The following ZFP30 variants were observed in gnomAD, a reference collection of about 807,000 sequenced individuals.
ZFP30 encodes the protein zinc finger protein 30 homolog.
Under a neutral mutation model 12.3 loss-of-function variants are expected in ZFP30, and 16 were observed. That is an observed-to-expected ratio of 1.30 (90% CI 0.88 to 1.98). ZFP30 has a LOEUF of 1.98. Ranked by LOEUF, ZFP30 falls within the 30% of genes most tolerant of loss-of-function variation. The probability of loss-of-function intolerance (pLI) is 0.00; values close to 1 mark genes in which losing one functional copy is unlikely to be tolerated. For synonymous variants in ZFP30, 172 were observed against 201.0 expected (o/e 0.86, Z 1.22); for missense variants, 560 against 611.2 (o/e 0.92, Z 0.88).
chr19:37,639,714 A>G (rs576605462), intron 5 of ZFP30, among the ~76,000 whole-genome samples: 19 of 152,334 alleles, frequency 1.2e-4, no homozygotes, highest in African/African-American at 4.6e-4. Flanking sequence ...AAGCATAAAC[A>G]AATTAGGACA....
intron 2 of ZFP30, among the ~76,000 whole-genome samples, chr19:37,648,872 C>G (rs1488715012): frequency 6.6e-6 from 1 of 152,084 alleles, no homozygotes; most frequent in Non-Finnish European, 1.5e-5. Flanking sequence ...ATCTCAATTA[C>G]CAAGCAATCT....
chr19:37,644,907 A>T (rs2044510736), intron 3 of ZFP30, among the ~76,000 whole-genome samples, 171 bp from the exon 4 acceptor site: 1 of 151,806 alleles, frequency 6.6e-6, no homozygotes, highest in Admixed American at 6.6e-5. Context: ...ACATACCAAG[A>T]ACTTGTCTCA....
chr19:37,644,991 G>C (rs1393080340), intron 3 of ZFP30, among the ~76,000 whole-genome samples: 1 of 151,974 alleles, frequency 6.6e-6, no homozygotes, highest in Non-Finnish European at 1.5e-5. Context: ...AGATCACGAG[G>C]TCAGGAGATC....
Position 37,634,494 on chromosome 19 carries a change from A to G in ZFP30, c.*487T>C, listed in dbSNP as rs2044282635. On this transcript the variant is annotated 3_prime_UTR_variant, in exon 6 of 6. Coordinates refer to ENST00000684514, the MANE Select transcript of ZFP30 (RefSeq NM_001320669.3). ...CCATTATTTCATTATGTGTTACACA[A>G]TAGTTTTTCTAATATAATTTTCTAT... The G allele has an allele frequency of 6.5e-6, 1 of 153,038 alleles. No homozygotes were observed. The highest frequency in any genetic ancestry group is 2.1e-4 in the South Asian group (1 of 4,862). The allele number at this position is 153,038 out of a possible 1,614,324, so 9.5% of individuals were successfully genotyped here.
intron 5 of ZFP30, among the ~76,000 whole-genome samples, chr19:37,640,134 A>G (rs2044406385): frequency 6.6e-6 from 1 of 152,218 alleles, no homozygotes; most frequent in Non-Finnish European, 1.5e-5. Flanking sequence ...ATAGTAAAAG[A>G]CAGAAAACAT....
At chr19:37,655,334 G>C (rs1341917065) in intron 1 of ZFP30, 86 bp downstream of exon 1, 1 of 152,446 alleles carries the variant, frequency 6.6e-6, no homozygotes, top group Non-Finnish European at 1.5e-5. Flanking sequence ...CCTTGGCCCG[G>C]CCTGCAAAAC....
chr19:37,636,781 G>C (rs1057386121), intron 5 of ZFP30, among the ~76,000 whole-genome samples: 6 of 151,384 alleles, frequency 4.0e-5, no homozygotes, highest in African/African-American at 1.5e-4. Flanking sequence ...CTCGATCTCA[G>C]CTCACTGTAA....
rs1181619589 is a variant in ZFP30 at position 37,631,936 on chromosome 19, G to A, written c.*3045C>T. 2 of 151,908 alleles carry A rather than the reference G, an allele frequency of 1.3e-5. No individual in the cohort carries two copies. The highest frequency in any genetic ancestry group is 2.9e-5 in the Non-Finnish European group (2 of 67,958). The allele number at this position is 151,908 out of a possible 1,614,324, so 9.4% of individuals were successfully genotyped here. On this transcript the variant is annotated 3_prime_UTR_variant, in exon 6 of 6. Transcript: ENST00000684514. The stretch of plus-strand genomic sequence containing the variant: ...CGGAAAATGTCTAGATTTTCGTTTT[G>A]CCAGCCCTCCTCACCTAGTTCTTAT...
chr19:37,637,639 G>A (rs1379857144), intron 5 of ZFP30, among the ~76,000 whole-genome samples: 4 of 151,910 alleles, frequency 2.6e-5, no homozygotes, highest in South Asian at 2.1e-4. Flanking sequence ...ACAAGTGCCC[G>A]CCACCACACC....
rs1274736852 is a variant in ZFP30 at position 37,632,764 on chromosome 19, T to G, written c.*2217A>C. The G allele has an allele frequency of 1.3e-5, 2 of 152,228 alleles. No homozygotes were observed. Among genetic ancestry groups the G allele is most frequent in the African/African-American group, 2.4e-5 (1 of 41,452 alleles). The allele number at this position is 152,228 out of a possible 1,614,324, so 9.4% of individuals were successfully genotyped here. ...TAGCCACATTTCAGTGCTCAATAACTCAATTTCAAGTGCTCAACAGGTTGC... is the reference window on the plus strand; with the variant it reads ...TAGCCACATTTCAGTGCTCAATAACGCAATTTCAAGTGCTCAACAGGTTGC... On this transcript the variant is annotated 3_prime_UTR_variant, in exon 6 of 6. Coordinates refer to ENST00000684514, the MANE Select transcript of ZFP30 (RefSeq NM_001320669.3).
chr19:37,647,843 T>G lies in ZFP30; in HGVS notation c.-21A>C, dbSNP rs773869409. 7 of 1,613,946 alleles carry G rather than the reference T, an allele frequency of 4.3e-6. No individual in the cohort carries two copies. In the Admixed American group the frequency reaches 1.0e-4, roughly 23 times the overall value. Reference sequence around the variant, plus strand: ...GCCATGATTTTAGAACTGCTAGAACTGGTCAATTTTCCTCAAGGTTCATGT... The same window carrying G: ...GCCATGATTTTAGAACTGCTAGAACGGGTCAATTTTCCTCAAGGTTCATGT... On this transcript the variant is annotated 5_prime_UTR_variant, in exon 3 of 6. Coordinates refer to ENST00000684514, the MANE Select transcript of ZFP30 (RefSeq NM_001320669.3).
At chr19:37,646,955 A>T (rs2044554394) in intron 3 of ZFP30, among the ~76,000 whole-genome samples, 1 of 152,094 alleles carries the variant, frequency 6.6e-6, no homozygotes, top group Non-Finnish European at 1.5e-5. Flanking sequence ...TTTTGGCCAT[A>T]TTGGGTTAAA....
chr19:37,635,993 T>C lies in ZFP30; in HGVS notation c.548A>G (p.Glu183Gly). Residue 183 changes from glutamate to glycine, a missense_variant, in exon 6 of 6, where the codon GAG becomes GGG. Transcript: ENST00000684514. ...ACATTCTTTACATTCATAGGGTTTCTCACCAGTATGAATTCTTTGATGGAA... is the reference window on the plus strand; with the variant it reads ...ACATTCTTTACATTCATAGGGTTTCCCACCAGTATGAATTCTTTGATGGAA... ...LTFHQRIHTG[E>G]KPYECKECGK... 6.2e-7 allele frequency: 1 copy of C among 1,614,218 alleles called. No individual in the cohort carries two copies. The highest frequency in any genetic ancestry group is 1.6e-4 in the Middle Eastern group (1 of 6,062).
chr19:37,634,837 A>T lies in ZFP30; in HGVS notation c.*144T>A. On this transcript the variant is annotated 3_prime_UTR_variant, in exon 6 of 6. Coordinates refer to ENST00000684514, the MANE Select transcript of ZFP30 (RefSeq NM_001320669.3). ...GATGAAAGGCTTCTATATGTTCATT[A>T]ACATATTCTTTCCTTTAAATAAAAC... is the stretch of plus-strand genomic sequence containing the variant. 1.1e-6 allele frequency: 1 copy of T among 894,638 alleles called. No individual in the cohort carries two copies. Among genetic ancestry groups the T allele is most frequent in the Non-Finnish European group, 1.6e-6 (1 of 642,058 alleles). The allele number at this position is 894,638 out of a possible 1,614,324, so 55.4% of individuals were successfully genotyped here.
chr19:37,643,066 A>G (rs927118390), intron 5 of ZFP30, among the ~76,000 whole-genome samples, 199 bp downstream of exon 5: 16 of 151,278 alleles, frequency 1.1e-4, no homozygotes, highest in African/African-American at 3.2e-4. Context: ...AAAAAAAAAA[A>G]AAAAAGAAAA....
intron 3 of ZFP30, among the ~76,000 whole-genome samples, chr19:37,644,985 C>T (rs916638101): frequency 6.6e-5 from 10 of 151,976 alleles, no homozygotes; most frequent in African/African-American, 2.4e-4. Flanking sequence ...GCAGGCAGAT[C>T]ACGAGGTCAG....
intron 2 of ZFP30, among the ~76,000 whole-genome samples, chr19:37,649,142 G>A (rs908979558): frequency 6.6e-6 from 1 of 151,794 alleles, no homozygotes; most frequent in African/African-American, 2.4e-5. Flanking sequence ...TTACTTGGGA[G>A]GCTGAGGCAG....
intron 2 of ZFP30, among the ~76,000 whole-genome samples, chr19:37,652,288 C>T (rs952512155): frequency 3.9e-5 from 6 of 152,046 alleles, no homozygotes; most frequent in Non-Finnish European, 7.4e-5. Context: ...AACCACCAGC[C>T]GGGTACGGTG....
chr19:37,647,014 T>G (rs1156425826), intron 3 of ZFP30, among the ~76,000 whole-genome samples: 1 of 152,226 alleles, frequency 6.6e-6, no homozygotes, highest in Non-Finnish European at 1.5e-5. Context: ...CTTTTTTTAA[T>G]GTGACTACTA....
Sources: allele counts gnomAD v4.1 joint callset (sites outside exome capture counted in the v4.1 genomes callset), GRCh38; gene constraint gnomAD v4.1.1; transcripts MANE v1.5; gene names NCBI Gene and HGNC (gene_info 2026-07-23, HGNC 2026-07-21).